The following SERAC1 variants were observed in gnomAD, a reference collection of about 807,000 sequenced individuals.
SERAC1 encodes serine active site containing 1, also known as protein SERAC1.
A neutral mutation model predicts 85.7 loss-of-function variants in SERAC1; 36 were observed. The ratio of observed to expected loss-of-function variants is 0.42; its 90% confidence interval spans 0.32 to 0.55. The LOEUF (loss-of-function observed/expected upper bound fraction) is 0.55, where lower values mean the gene tolerates loss of function less well. SERAC1 is among the 20% of genes least tolerant of loss of function. SERAC1 has a pLI of 0.11. For missense variants in SERAC1, 629 were observed against 796.2 expected (o/e 0.79, Z 2.53); for synonymous variants, 242 against 265.3 (o/e 0.91, Z 0.85).
intron 8 of SERAC1, among the ~76,000 whole-genome samples, chr6:158,131,388 G>A (rs982906213): frequency 4.8e-5 from 7 of 145,366 alleles, no homozygotes; most frequent in South Asian, 4.2e-4. Flanking sequence ...TATTATATAT[G>A]TAAATTATAT....
intron 16 of SERAC1, chr6:158,113,176 CAA>C: frequency 2.4e-6 from 1 of 414,260 alleles, no homozygotes; most frequent in Admixed American, 4.1e-5. Flanking sequence ...TTCTTTACTG[CAA>C]AAGAGTTCAC....
intron 2 of SERAC1, among the ~76,000 whole-genome samples, chr6:158,157,088 C>T (rs1157058774): frequency 2.0e-5 from 3 of 151,014 alleles, no homozygotes; most frequent in African/African-American, 7.3e-5. Flanking sequence ...TCTCCACCTC[C>T]TGGGTTGAAG....
rs181604797 is a variant in SERAC1, at chr6:158,110,717, T to A, written c.*649A>T. On this transcript the variant is annotated 3_prime_UTR_variant, in exon 17 of 17. Coordinates refer to ENST00000647468, the MANE Select transcript of SERAC1 (RefSeq NM_032861.4). Reference sequence around the variant, plus strand: ...AGGACAAATTCCAAGCATAGGCAGCTACAGTCTGAAAAGAATTATTATAAG... The same window carrying A: ...AGGACAAATTCCAAGCATAGGCAGCAACAGTCTGAAAAGAATTATTATAAG... The A allele has an allele frequency of 6.6e-6, 1 of 152,352 alleles. No individual in the cohort carries two copies. Among genetic ancestry groups the A allele is most frequent in the East Asian group, 1.9e-4 (1 of 5,184 alleles). 9.4% of individuals were successfully genotyped at this position (152,352 alleles called of 1,614,324 possible). A position where few individuals can be genotyped will look rare whatever the true frequency, so the allele number is the denominator to read the frequency against.
intron 8 of SERAC1, among the ~76,000 whole-genome samples, chr6:158,130,762 C>G (rs1427508766): frequency 6.6e-6 from 1 of 152,158 alleles, no homozygotes; most frequent in Non-Finnish European, 1.5e-5. Flanking sequence ...ACTCACAATT[C>G]TTTTAACAAG....
intron 10 of SERAC1, among the ~76,000 whole-genome samples, chr6:158,124,768 C>T: frequency 7.9e-6 from 1 of 126,450 alleles, no homozygotes; most frequent in Non-Finnish European, 1.7e-5. Flanking sequence ...CACACACACA[C>T]ACACACACAC....
At chr6:158,147,768 CAAAAAAAAAAAAAA>C (rs71027383) in intron 5 of SERAC1, among the ~76,000 whole-genome samples, 37 of 68,952 alleles carry the variant, frequency 5.4e-4, no homozygotes, top group Admixed American at 1.6e-3. Context: ...GGCTCTGTCT[CAAAAAAAAAAAAAA>C]AAAAAAAAAA....
intron 8 of SERAC1, among the ~76,000 whole-genome samples, chr6:158,133,360 AGC>A (rs1299755070): frequency 1.4e-4 from 21 of 147,478 alleles, no homozygotes; most frequent in African/African-American, 5.2e-4. Flanking sequence ...AATATAAAAG[AGC>A]TAATCTCTGG....
At chr6:158,124,782 C>T (rs1268343711) in intron 10 of SERAC1, among the ~76,000 whole-genome samples, 1 of 129,772 alleles carries the variant, frequency 7.7e-6, no homozygotes, top group Non-Finnish European at 1.6e-5. Context: ...CACACACACA[C>T]ACACACATAC....
chr6:158,145,450 T>C (rs1038398965), intron 6 of SERAC1: 2 of 152,084 alleles, frequency 1.3e-5, no homozygotes, highest in African/African-American at 2.4e-5. Flanking sequence ...ATTATAATTA[T>C]AGCCACCAAC....
In SERAC1 at chr6:158,156,808, A is replaced by G. The variant is rs1280321022; in HGVS notation, c.92-1457T>C. ...TATTATATATGTTTAAATGTATAAT[A>G]TATTTATATAATATATTAATATATT... On this transcript the variant is annotated intron_variant, in intron 2 of 16. Coordinates refer to ENST00000647468, the MANE Select transcript of SERAC1 (RefSeq NM_032861.4). Among the ~76,000 whole-genome samples the G allele has an allele frequency of 5.1e-5, 7 of 137,412 alleles. No individual in the cohort carries two copies. In the East Asian group the frequency reaches 1.4e-3, roughly 27 times the overall value. The allele number at this position is 137,412 out of a possible 152,430, so 90.1% of individuals were successfully genotyped here. A position where few individuals can be genotyped will look rare whatever the true frequency, so the allele number is the denominator to read the frequency against.
Position 158,144,383 on chromosome 6 carries a change from C to T in SERAC1, c.525G>A (p.Pro175=), listed in dbSNP as rs774652383. The T allele has an allele frequency of 5.0e-6, 8 of 1,612,952 alleles. No individual in the cohort carries two copies. The highest frequency in any genetic ancestry group is 4.5e-5 in the East Asian group (2 of 44,830). ...TTCGTGCCAAACCAATAAGAGTTTT[C>T]GGATCACAGGCTTGAGCAATTATCC... ...QYRIIAQACD[P]KTLIGLARSE... is the part of the protein sequence containing the mutation. Residue 175 remains proline (P), a synonymous_variant, in exon 7 of 17, where the codon CCG becomes CCA. Transcript: ENST00000647468.
chr6:158,167,732 G>A (rs371618271), intron 1 of SERAC1, among the ~76,000 whole-genome samples: 30 of 152,020 alleles, frequency 2.0e-4, no homozygotes, highest in African/African-American at 6.3e-4. Context: ...GACCGTTGCC[G>A]AGTTTAGAGC....
Position 158,148,902 on chromosome 6 carries a change from C to CAAAG in SERAC1, c.317_318insCTTT (p.Leu106PhefsTer15). 6.2e-7 allele frequency: 1 copy of CAAAG among 1,612,802 alleles called. No individual in the cohort carries two copies. The highest frequency in any genetic ancestry group is 8.5e-7 in the Non-Finnish European group (1 of 1,179,478). The stretch of plus-strand genomic sequence containing the variant: ...TCCGCAGTATCTTGGCTGATGTTGC[C>CAAAG]AATACTTTTCTTACTGCTTTGTGAA... On this transcript the variant is annotated frameshift_variant, in exon 5 of 17. Transcript: ENST00000647468. LOFTEE classifies it high-confidence loss of function.
chr6:158,127,384 C>G (rs1784568991), intron 10 of SERAC1, among the ~76,000 whole-genome samples: 1 of 67,304 alleles, frequency 1.5e-5, no homozygotes, highest in African/African-American at 5.4e-5. Flanking sequence ...GGGGGTCAGC[C>G]CCCCTGCCCG....
intron 8 of SERAC1, among the ~76,000 whole-genome samples, chr6:158,138,110 G>A (rs183074584): frequency 2.2e-4 from 34 of 152,132 alleles, no homozygotes; most frequent in Admixed American, 2.2e-3. Flanking sequence ...TTAAACTACT[G>A]GCTGAGGCCA....
intron 8 of SERAC1, 92 bp from the exon 9 acceptor site, chr6:158,130,578 T>C (rs1784650928): frequency 5.5e-6 from 4 of 730,538 alleles, no homozygotes; most frequent in Non-Finnish European, 2.2e-6. Flanking sequence ...TAATAGATGG[T>C]GTTAGAAAAT....
rs1583559650 is a variant in SERAC1, at chr6:158,116,367, G to A, written c.1404-85C>T. The A allele has an allele frequency of 3.0e-6, 3 of 1,008,184 alleles. No individual in the cohort carries two copies. In the East Asian group the frequency reaches 7.4e-5, roughly 25 times the overall value. 62.5% of individuals were successfully genotyped at this position (1,008,184 alleles called of 1,614,324 possible). On this transcript the variant is annotated intron_variant, in intron 13 of 16. Transcript: ENST00000647468. ...CTAATTTTTAGAGTTAAGAACTTTA[G>A]TCTACAGGACCAATGCTACATACTA...
Position 158,149,068 on chromosome 6 carries a change from C to T in SERAC1, c.266-114G>A, listed in dbSNP as rs193157914. 1.2e-5 allele frequency: 8 copies of T among 667,170 alleles called. No homozygotes were observed. In the South Asian group the frequency reaches 1.5e-4, roughly 12 times the overall value. 41.3% of individuals were successfully genotyped at this position (667,170 alleles called of 1,614,324 possible). Reference sequence around the variant, plus strand: ...GCAGTGGCACAATCTCGGCTCACTGCAAGCTCTGCCTCCCGGGTTCACCCC... The same window carrying T: ...GCAGTGGCACAATCTCGGCTCACTGTAAGCTCTGCCTCCCGGGTTCACCCC... On this transcript the variant is annotated intron_variant, in intron 4 of 16. Transcript: ENST00000647468.
At chr6:158,151,546 C>T (rs1055373716) in intron 3 of SERAC1, among the ~76,000 whole-genome samples, 7 of 152,208 alleles carry the variant, frequency 4.6e-5, no homozygotes, top group Non-Finnish European at 1.0e-4. Flanking sequence ...CTCAGCCTCC[C>T]AAGTAGCTGG....
Sources: allele counts gnomAD v4.1 joint callset (sites outside exome capture counted in the v4.1 genomes callset), GRCh38; gene constraint gnomAD v4.1.1; transcripts MANE v1.5; gene names NCBI Gene and HGNC (gene_info 2026-07-23, HGNC 2026-07-21).